The following LAMA4 variants were observed in gnomAD, a reference collection of about 807,000 sequenced individuals.
LAMA4 encodes laminin subunit alpha 4.
In LAMA4, 127 loss-of-function variants were observed where a neutral mutation model predicts 207.1. The ratio of observed to expected loss-of-function variants is 0.61; its 90% CI spans 0.53 to 0.71. The LOEUF (loss-of-function observed/expected upper bound fraction) is 0.71. Among genes scored for constraint, LAMA4 ranks in the 30% least tolerant of loss-of-function variants. LAMA4 has a pLI of 0.00. For missense variants in LAMA4, 2,093 were observed against 2,246.5 expected (o/e 0.93, Z 1.38); for synonymous variants, 761 against 816.0 (o/e 0.93, Z 1.15).
intron 13 of LAMA4, chr6:112,164,105 A>G (rs376585621): frequency 2.6e-5 from 4 of 152,460 alleles, no homozygotes; most frequent in African/African-American, 9.6e-5. Context: ...CACCAGTCGC[A>G]TGCAGCTGCT....
chr6:112,145,825 G>A (rs1196743189), intron 18 of LAMA4, among the ~76,000 whole-genome samples: 4 of 152,134 alleles, frequency 2.6e-5, no homozygotes, highest in Non-Finnish European at 4.4e-5. Flanking sequence ...AGGGACCACG[G>A]TATATATACA....
chr6:112,238,842 A>G (rs1382265884), intron 2 of LAMA4, among the ~76,000 whole-genome samples: 1 of 152,234 alleles, frequency 6.6e-6, no homozygotes, highest in African/African-American at 2.4e-5. Flanking sequence ...TTATTTTCTC[A>G]GAAGATTTCT....
intron 2 of LAMA4, among the ~76,000 whole-genome samples, chr6:112,230,484 T>G (rs782233461): frequency 1.3e-5 from 2 of 152,230 alleles, no homozygotes; most frequent in African/African-American, 4.8e-5. Context: ...ATGGGGCTGC[T>G]CACCTTATTA....
At chr6:112,238,984 A>G (rs1554367121) in intron 2 of LAMA4, among the ~76,000 whole-genome samples, 1 of 152,138 alleles carries the variant, frequency 6.6e-6, no homozygotes, top group Non-Finnish European at 1.5e-5. Flanking sequence ...ATGTGACTGT[A>G]TTTGGAGATA....
chr6:112,140,986 A>G lies in LAMA4; in HGVS notation c.2814-64T>C, dbSNP rs1779657828. On this transcript the variant is annotated intron_variant, in intron 21 of 38. Transcript: ENST00000230538. ...TCATAGAAAATACTTTTTAAATGTCAAAATGTTAATGCTCCCTCATCACAA... is the reference window on the plus strand; with the variant it reads ...TCATAGAAAATACTTTTTAAATGTCGAAATGTTAATGCTCCCTCATCACAA... 2.8e-6 allele frequency: 4 copies of G among 1,433,676 alleles called. No individual in the cohort carries two copies. In the South Asian group the frequency reaches 4.7e-5, roughly 17 times the overall value. 88.8% of individuals were successfully genotyped at this position (1,433,676 alleles called of 1,614,324 possible). A position where few individuals can be genotyped will look rare whatever the true frequency, so the allele number is the denominator to read the frequency against.
chr6:112,129,399 T>G (rs1023282762), intron 30 of LAMA4, among the ~76,000 whole-genome samples: 11 of 152,190 alleles, frequency 7.2e-5, no homozygotes, highest in Admixed American at 3.3e-4. Flanking sequence ...GTTCTTGTAC[T>G]CAAGGAACCC....
chr6:112,200,187 G>A (rs782654785), intron 5 of LAMA4: 20 of 532,600 alleles, frequency 3.8e-5, no homozygotes, highest in Admixed American at 3.7e-4. Context: ...TTTCTTACAT[G>A]AGCAAAGCCC....
In LAMA4 at chr6:112,133,696, A is replaced by G. The variant is rs555114317; in HGVS notation, c.3558-209T>C. ...TACGTCAAGCCAATTTCTTCCTTAC[A>G]GTTTTCAAAATGCTCTAACTTACAT... On this transcript the variant is annotated intron_variant, in intron 26 of 38. Transcript: ENST00000230538. Among the ~76,000 whole-genome samples, 93 of 152,290 alleles carry G rather than the reference A, an allele frequency of 6.1e-4. 3 individuals are homozygous for G. In the South Asian group the frequency reaches 0.016, roughly 27 times the overall value.
Position 112,114,100 on chromosome 6 carries a change from G to C in LAMA4, c.5302C>G (p.Pro1768Ala). The change falls in exon 38 of 39, where the codon CCT (proline) becomes GCT (alanine). Residue 1768 changes from proline (P) to alanine (A), a missense_variant. Physicochemically the swap from Pro to Ala is conservative, Grantham distance 27. This residue lies in a region of LAMA4 where 383 missense variants were observed against 437.8 expected (regional missense o/e 0.87). Coordinates refer to ENST00000230538, the MANE Select transcript of LAMA4 (RefSeq NM_001105206.3). Reference sequence around the variant, plus strand: ...CCTGGAACACCTCCAACAAACACAGGCTCCCTGTGATCAATTGGTTTTGGA... The same window carrying C: ...CCTGGAACACCTCCAACAAACACAGCCTCCCTGTGATCAATTGGTTTTGGA... ...LNPKPIDHRE[P>A]VFVGGVPESL... The C allele has an allele frequency of 6.2e-7, 1 of 1,613,868 alleles. No individual in the cohort carries two copies. The highest frequency in any genetic ancestry group is 8.5e-7 in the Non-Finnish European group (1 of 1,179,862).
chr6:112,228,007 A>G (rs1785320660), intron 2 of LAMA4, among the ~76,000 whole-genome samples: 1 of 152,234 alleles, frequency 6.6e-6, no homozygotes, highest in South Asian at 2.1e-4. Context: ...AAATTACAAT[A>G]TTAAAATTTA....
chr6:112,219,794 A>G (rs1554359932), intron 2 of LAMA4, among the ~76,000 whole-genome samples: 1 of 152,174 alleles, frequency 6.6e-6, no homozygotes, highest in Admixed American at 6.5e-5. Flanking sequence ...CAGTAGCCCT[A>G]TGAGGTAGGT....
In LAMA4 at chr6:112,172,615, T is replaced by A. The variant is rs200984064; in HGVS notation, c.1547A>T (p.His516Leu). 6.2e-7 allele frequency: 1 copy of A among 1,612,714 alleles called. No homozygotes were observed. Among genetic ancestry groups the A allele is most frequent in the Admixed American group, 1.7e-5 (1 of 60,026 alleles). The change falls in exon 12 of 39, where the codon CAT (histidine) becomes CTT (leucine). Residue 516 changes from histidine (H) to leucine (L), a missense_variant. His to Leu is a moderately conservative substitution (Grantham distance 99). Transcript: ENST00000230538. ...NRATAARQRD[H>L]EKQQERVREQ... ...GATGGTGAGTGTCCGCTGTACCTCATGGTCCCGCTGCCTGGCTGCTGTGGC... is the reference window on the plus strand; with the variant it reads ...GATGGTGAGTGTCCGCTGTACCTCAAGGTCCCGCTGCCTGGCTGCTGTGGC...
intron 33 of LAMA4, 145 bp downstream of exon 33, chr6:112,120,138 A>G (rs1468137599): frequency 4.5e-6 from 3 of 666,258 alleles, no homozygotes; most frequent in Non-Finnish European, 7.6e-6. Flanking sequence ...TTTATAAGGA[A>G]TACAATTTTT....
intron 28 of LAMA4, among the ~76,000 whole-genome samples, chr6:112,132,394 CAA>C (rs782122474): frequency 3.3e-5 from 5 of 151,994 alleles, no homozygotes; most frequent in Non-Finnish European, 7.4e-5. Flanking sequence ...CTATTAATGA[CAA>C]AGTCACAGGT....
intron 2 of LAMA4, chr6:112,216,696 C>T (rs1369166194): frequency 5.6e-6 from 3 of 531,552 alleles, no homozygotes; most frequent in Non-Finnish European, 1.0e-5. Flanking sequence ...TCCCTCCTTT[C>T]ACTTTTCAGG....
chr6:112,214,095 C>A (rs1237929982), intron 3 of LAMA4: 13 of 715,792 alleles, frequency 1.8e-5, no homozygotes, highest in Admixed American at 8.2e-5. Context: ...CCAAAGGAAA[C>A]AGAAAAAAAT....
chr6:112,253,516 CTAATA>C, intron 2 of LAMA4: 2 of 464,534 alleles, frequency 4.3e-6, no homozygotes, highest in Non-Finnish European at 4.0e-6. Context: ...GACTTCTTGT[CTAATA>C]TGAGACAAAA....
rs1375382054 is a variant in LAMA4 at position 112,187,452 on chromosome 6, T to G, written c.964A>C (p.Lys322Gln). The G allele has an allele frequency of 6.8e-6, 11 of 1,613,882 alleles. No homozygotes were observed. The highest frequency in any genetic ancestry group is 1.6e-4 in the Middle Eastern group (1 of 6,084). Residue 322 changes from lysine (K) to glutamine (Q), a missense_variant and splice_region_variant, in exon 8 of 39, where the codon AAA becomes CAA. This residue lies in a region of LAMA4 where 1,704 missense variants were observed against 1,788.4 expected (regional missense o/e 0.95). Coordinates refer to ENST00000230538, the MANE Select transcript of LAMA4 (RefSeq NM_001105206.3). The stretch of plus-strand genomic sequence containing the variant: ...GAAAGTAGAACATTCCTGCGTACTT[T>G]GAGGAGGTAGATGGTGGCGTTGATT... ...NEINATIYLL[K>Q]TKLSERENQY... is the part of the protein sequence containing the mutation.
At position 112,251,798 on chromosome 6, in the gene LAMA4, C is replaced by T. The variant is rs928375295; in HGVS notation, c.195+2158G>A. Among the ~76,000 whole-genome samples the T allele has an allele frequency of 2.6e-5, 4 of 152,274 alleles. No individual in the cohort carries two copies. In the East Asian group the frequency reaches 7.7e-4, roughly 29 times the overall value. On this transcript the variant is annotated intron_variant, in intron 2 of 38. Coordinates refer to ENST00000230538, the MANE Select transcript of LAMA4 (RefSeq NM_001105206.3). Reference sequence around the variant, plus strand: ...GGAACATAATTACCTCAATCTCACCCTTTCTACACCATATACTTTGACCTT... The same window carrying T: ...GGAACATAATTACCTCAATCTCACCTTTTCTACACCATATACTTTGACCTT...
Sources: allele counts gnomAD v4.1 joint callset (sites outside exome capture counted in the v4.1 genomes callset), GRCh38; gene constraint gnomAD v4.1.1; regional missense constraint gnomAD v4.1.1; transcripts MANE v1.5; gene names NCBI Gene and HGNC (gene_info 2026-07-23, HGNC 2026-07-21).